The following USP4 variants were observed in gnomAD, a reference collection of about 807,000 sequenced individuals.
The protein encoded by USP4 is ubiquitin specific peptidase 4.
A neutral mutation model predicts 118.2 loss-of-function variants in USP4; 72 were observed. That is an observed-to-expected ratio of 0.61 (90% CI 0.50 to 0.74). The LOEUF (loss-of-function observed/expected upper bound fraction) is 0.74, where lower values mean the gene tolerates loss of function less well. Ranked by LOEUF, USP4 falls within the 30% of genes least tolerant of loss-of-function variation. USP4 has a pLI of 0.00. For synonymous variants in USP4, 415 were observed against 440.4 expected (o/e 0.94, Z 0.72); for missense variants, 1,037 against 1,185.7 (o/e 0.87, Z 1.84).
At chr3:49,325,536 T>C (rs1389881269) in intron 4 of USP4, among the ~76,000 whole-genome samples, 183 bp downstream of exon 4, 1 of 152,076 alleles carries the variant, frequency 6.6e-6, no homozygotes. Context: ...GCAGGCCCAG[T>C]GTTCTCTCCA....
At chr3:49,291,127 C>T (rs2047146907) in intron 15 of USP4, among the ~76,000 whole-genome samples, 1 of 151,848 alleles carries the variant, frequency 6.6e-6, no homozygotes, top group Non-Finnish European at 1.5e-5. Context: ...CACCACCACG[C>T]CTAATTTTTT....
At position 49,310,692 on chromosome 3, in the gene USP4, G is replaced by A; in HGVS notation, c.882C>T (p.Ser294=). 1.2e-6 allele frequency: 2 copies of A among 1,614,160 alleles called. No individual in the cohort carries two copies. The highest frequency in any genetic ancestry group is 1.7e-4 in the Middle Eastern group (1 of 6,060). ...CACAGAGCCCAGGTTGTATATGAGA[G>A]GATGGTGGCTCCTGACAATTATACG... ...SASYNCQEPP[S]SHIQPGLCGL... is the part of the protein sequence containing the mutation. Residue 294 remains serine, a synonymous_variant, in exon 8 of 22, where the codon TCC becomes TCT. Transcript: ENST00000265560.
chr3:49,324,317 G>C (rs922315483), intron 6 of USP4, among the ~76,000 whole-genome samples: 10 of 152,074 alleles, frequency 6.6e-5, no homozygotes, highest in Non-Finnish European at 1.3e-4. Flanking sequence ...TCACTTTTAA[G>C]TCATATAAAA....
At chr3:49,338,044 CAAAAAAAAAAAAAAAAA>C (rs57186354) in intron 1 of USP4, among the ~76,000 whole-genome samples, 1 of 52,026 alleles carries the variant, frequency 1.9e-5, no homozygotes, top group East Asian at 5.9e-4. Flanking sequence ...GACTTCGTCT[CAAAAAAAAAAAAAAAAA>C]AAAAAAAAAA....
chr3:49,286,037 G>C, intron 16 of USP4, 61 bp downstream of exon 16: 2 of 1,519,726 alleles, frequency 1.3e-6, no homozygotes, highest in South Asian at 2.3e-5. Flanking sequence ...CAAGTGTAAG[G>C]ATTTTCAAAC....
At chr3:49,332,445 C>T (rs1185753108) in intron 2 of USP4, among the ~76,000 whole-genome samples, 1 of 150,586 alleles carries the variant, frequency 6.6e-6, no homozygotes, top group Non-Finnish European at 1.5e-5. Flanking sequence ...GGGCAAGACC[C>T]TGTCTCAAAA....
intron 2 of USP4, 80 bp from the exon 3 acceptor site, chr3:49,327,896 A>G (rs2047574001): frequency 7.3e-7 from 1 of 1,365,358 alleles, no homozygotes; most frequent in Non-Finnish European, 1.0e-6. Flanking sequence ...TGTACTTTTC[A>G]GAAATAAGAA....
rs778985558 is a variant in USP4 at position 49,297,932 on chromosome 3, G to A, written c.1629C>T (p.Phe543=). 1 of 1,613,938 alleles carries A rather than the reference G, an allele frequency of 6.2e-7. No homozygotes were observed. Among genetic ancestry groups the A allele is most frequent in the Non-Finnish European group, 8.5e-7 (1 of 1,179,876 alleles). The change falls in exon 13 of 22, where the codon TTC becomes TTT. Residue 543 remains phenylalanine (F), a synonymous_variant. Coordinates refer to ENST00000265560, the MANE Select transcript of USP4 (RefSeq NM_003363.4). ...CTTCATCCATTTGGAAAATTTTGTG[G>A]AATCGGTGATTATACACATCTGCGA... is the stretch of plus-strand genomic sequence containing the variant. ...MVVADVYNHR[F]HKIFQMDEGL...
chr3:49,317,283 C>G (rs199752249), intron 6 of USP4: 14 of 1,520,026 alleles, frequency 9.2e-6, no homozygotes, highest in Admixed American at 1.8e-5. Context: ...CGCGGGCCAG[C>G]TTCTCGTTGA....
chr3:49,317,603 G>A (rs532358064), intron 6 of USP4: 15 of 588,172 alleles, frequency 2.6e-5, no homozygotes, highest in African/African-American at 1.5e-4. Flanking sequence ...GTGCAGTGGC[G>A]TGATATCGGC....
intron 15 of USP4, among the ~76,000 whole-genome samples, chr3:49,286,860 A>G (rs2047096345): frequency 6.7e-6 from 1 of 148,846 alleles, no homozygotes. Flanking sequence ...CTATCTATCT[A>G]TCTATCTGAG....
intron 14 of USP4, among the ~76,000 whole-genome samples, chr3:49,293,143 C>T (rs531345737): frequency 4.7e-5 from 7 of 150,354 alleles, no homozygotes; most frequent in Non-Finnish European, 8.9e-5. Flanking sequence ...TTTGGGAGGC[C>T]GAGGTGGGCA....
At chr3:49,299,933 G>A (rs1380811496) in intron 11 of USP4, among the ~76,000 whole-genome samples, 2 of 151,732 alleles carry the variant, frequency 1.3e-5, no homozygotes, top group Non-Finnish European at 2.9e-5. Context: ...CTTTAGTCGC[G>A]TGAATGAAGT....
chr3:49,304,840 T>C (rs887163301), intron 9 of USP4, among the ~76,000 whole-genome samples: 4 of 151,882 alleles, frequency 2.6e-5, no homozygotes, highest in African/African-American at 9.7e-5. Context: ...CTCGGCTCAC[T>C]GCACCCTCCA....
chr3:49,311,505 T>C lies in USP4; in HGVS notation c.836+9A>G. 5.0e-6 allele frequency: 8 copies of C among 1,612,520 alleles called. No homozygotes were observed. Among genetic ancestry groups the C allele is most frequent in the Non-Finnish European group, 5.9e-6 (7 of 1,179,306 alleles). On this transcript the variant is annotated intron_variant, in intron 7 of 21. Coordinates refer to ENST00000265560, the MANE Select transcript of USP4 (RefSeq NM_003363.4). ...GGAAAGGAAGCAGAGTGAAAGGACC[T>C]GCTCTTACCCCCTGCTGACACCGGA...
intron 15 of USP4, among the ~76,000 whole-genome samples, chr3:49,286,743 T>TTCCATCCATTCCTTCCATCCA (rs1333923438): frequency 6.6e-6 from 1 of 152,060 alleles, no homozygotes; most frequent in African/African-American, 2.4e-5. Context: ...CTATCTTCCA[T>TTCCATCCATTCCTTCCATCCA]TCCATCCATT....
Position 49,292,665 on chromosome 3 carries a change from C to T in USP4, c.1884-67G>A, listed in dbSNP as rs1056840852. ...TGTAACATTTATCTATTTTTTCCACCATGCGGCTAAGAAGTAGTTCATAAT... is the reference window on the plus strand; with the variant it reads ...TGTAACATTTATCTATTTTTTCCACTATGCGGCTAAGAAGTAGTTCATAAT... On this transcript the variant is annotated intron_variant, in intron 14 of 21. Coordinates refer to ENST00000265560, the MANE Select transcript of USP4 (RefSeq NM_003363.4). The T allele has an allele frequency of 6.1e-6, 7 of 1,145,926 alleles. No individual in the cohort carries two copies. The African/African-American group carries it at 7.9e-5, about 13-fold the overall frequency. The allele number at this position is 1,145,926 out of a possible 1,614,324, so 71.0% of individuals were successfully genotyped here.
At chr3:49,314,850 C>T (rs1054922982) in intron 6 of USP4, among the ~76,000 whole-genome samples, 1 of 151,990 alleles carries the variant, frequency 6.6e-6, no homozygotes, top group South Asian at 2.1e-4. Context: ...CATGGCAAGA[C>T]CCTGTCTCTA....
chr3:49,326,035 G>C (rs1182281253), intron 3 of USP4, among the ~76,000 whole-genome samples, 190 bp from the exon 4 acceptor site: 1 of 152,118 alleles, frequency 6.6e-6, no homozygotes, highest in Non-Finnish European at 1.5e-5. Flanking sequence ...TATTTTTTCT[G>C]GCCGCGTGTG....
Sources: allele counts gnomAD v4.1 joint callset (sites outside exome capture counted in the v4.1 genomes callset), GRCh38; gene constraint gnomAD v4.1.1; transcripts MANE v1.5; gene names NCBI Gene and HGNC (gene_info 2026-07-23, HGNC 2026-07-21).